Variants in IMMP2L observed in about 807,000 individuals in gnomAD.
The protein encoded by IMMP2L is inner mitochondrial membrane peptidase subunit 2.
A neutral mutation model predicts 19.3 loss-of-function variants in IMMP2L; 18 were observed. That is an observed-to-expected ratio of 0.93 (90% CI 0.64 to 1.38). IMMP2L has a LOEUF of 1.38. Ranked by LOEUF, IMMP2L falls within the 40% of genes most tolerant of loss-of-function variation. The probability of loss-of-function intolerance (pLI) is 0.00; values close to 1 mark genes in which losing one functional copy is unlikely to be tolerated. For missense variants in IMMP2L, 233 were observed against 218.2 expected (o/e 1.07, Z -0.43); for synonymous variants, 76 against 73.0 (o/e 1.04, Z -0.21).
chr7:110,793,210 G>A (rs901127565), intron 5 of IMMP2L, among the ~76,000 whole-genome samples: 24 of 152,010 alleles, frequency 1.6e-4, no homozygotes, highest in East Asian at 3.9e-4. Context: ...ACTTGAGGCC[G>A]GGAGGTACAA....
At chr7:111,276,202 A>G (rs933346549) in intron 3 of IMMP2L, among the ~76,000 whole-genome samples, 2 of 152,150 alleles carry the variant, frequency 1.3e-5, no homozygotes, top group African/African-American at 4.8e-5. Context: ...TATTGAGACG[A>G]TCATATGGTT....
At chr7:110,863,081 G>A (rs539665554) in intron 5 of IMMP2L, among the ~76,000 whole-genome samples, 97 of 152,140 alleles carry the variant, frequency 6.4e-4, no homozygotes, top group Admixed American at 3.7e-3. Context: ...TCTCTGACCT[G>A]AGTCTTAAAT....
chr7:111,351,424 C>T (rs146535499), intron 3 of IMMP2L, among the ~76,000 whole-genome samples: 3,261 of 152,118 alleles, frequency 0.021, 120 homozygotes, highest in African/African-American at 0.074. Context: ...CTCCTGACCT[C>T]GTGATCTGCC....
chr7:111,032,282 T>A (rs189404555), intron 3 of IMMP2L, among the ~76,000 whole-genome samples: 3 of 152,006 alleles, frequency 2.0e-5, no homozygotes, highest in South Asian at 4.2e-4. Flanking sequence ...AGCAGATCAA[T>A]AGAATAGAAT....
chr7:111,216,584 C>T (rs771788551), intron 3 of IMMP2L, among the ~76,000 whole-genome samples: 73 of 152,004 alleles, frequency 4.8e-4, no homozygotes, highest in Non-Finnish European at 2.1e-4. Flanking sequence ...ATGTACAGTA[C>T]TCTATTATTA....
chr7:110,883,151 C>T (rs1158731405), intron 5 of IMMP2L, among the ~76,000 whole-genome samples: 2 of 152,084 alleles, frequency 1.3e-5, no homozygotes, highest in African/African-American at 4.8e-5. Flanking sequence ...TCATACTTTT[C>T]TAAAGACATA....
chr7:110,872,179 A>G (rs1375556460), intron 5 of IMMP2L, among the ~76,000 whole-genome samples: 1 of 152,162 alleles, frequency 6.6e-6, no homozygotes, highest in Non-Finnish European at 1.5e-5. Flanking sequence ...TAGTCTTAAA[A>G]CAGAATATAT....
chr7:111,287,660 G>C (rs1820642902), intron 3 of IMMP2L, among the ~76,000 whole-genome samples: 1 of 152,108 alleles, frequency 6.6e-6, no homozygotes, highest in African/African-American at 2.4e-5. Flanking sequence ...AAGTTGTTAT[G>C]AAATTAAAAA....
chr7:111,115,498 G>A (rs574007089), intron 3 of IMMP2L, among the ~76,000 whole-genome samples: 1 of 152,072 alleles, frequency 6.6e-6, no homozygotes, highest in Admixed American at 6.5e-5. Context: ...AAATGTGCCT[G>A]TGATTAAGAT....
At chr7:111,157,055 A>T (rs1283754125) in intron 3 of IMMP2L, among the ~76,000 whole-genome samples, 1 of 152,118 alleles carries the variant, frequency 6.6e-6, no homozygotes, top group Non-Finnish European at 1.5e-5. Context: ...AATGGCTTTC[A>T]TATAAAACAT....
At chr7:110,705,359 A>G (rs964449024) in intron 5 of IMMP2L, among the ~76,000 whole-genome samples, 1 of 152,156 alleles carries the variant, frequency 6.6e-6, no homozygotes, top group Non-Finnish European at 1.5e-5. Context: ...GCAACTTTAA[A>G]TGTACTGCAT....
chr7:110,832,172 G>T (rs1804033532), intron 5 of IMMP2L, among the ~76,000 whole-genome samples: 1 of 152,100 alleles, frequency 6.6e-6, no homozygotes, highest in African/African-American at 2.4e-5. Flanking sequence ...TGAGGCAGGG[G>T]AATCATTTGA....
intron 3 of IMMP2L, among the ~76,000 whole-genome samples, chr7:111,419,319 T>TG (rs1185548415): frequency 4.0e-5 from 6 of 151,812 alleles, no homozygotes; most frequent in Non-Finnish European, 7.4e-5. Flanking sequence ...AGGCCCTGAC[T>TG]GTTACACTTT....
chr7:111,560,341 A>T lies in IMMP2L; in HGVS notation c.-3+1510T>A, dbSNP rs149932509. Among the ~76,000 whole-genome samples, 406 of 152,310 alleles carry T rather than the reference A, an allele frequency of 2.7e-3. 6 individuals carry two copies. Among genetic ancestry groups the T allele is most frequent in the African/African-American group, 9.2e-3 (384 of 41,560 alleles). On this transcript the variant is annotated intron_variant, in intron 1 of 5. Coordinates refer to ENST00000405709, the MANE Select transcript of IMMP2L (RefSeq NM_032549.4). ...ATGCACAGAAACCCATGCAAGTTAA[A>T]AATGGTCTACTTTCGAATTTATTTT...
At chr7:111,286,130 G>T (rs1468520553) in intron 3 of IMMP2L, among the ~76,000 whole-genome samples, 1 of 152,052 alleles carries the variant, frequency 6.6e-6, no homozygotes, top group Admixed American at 6.6e-5. Flanking sequence ...CACACATAAA[G>T]AAAAAATAAT....
intron 5 of IMMP2L, among the ~76,000 whole-genome samples, chr7:110,775,249 C>CTGTGTGTGTGTGTGTGTGTGTG (rs56387151): frequency 3.9e-4 from 57 of 146,716 alleles, no homozygotes; most frequent in South Asian, 3.3e-3. Context: ...CTTAAGTCAG[C>CTGTGTGTGTGTGTGTGTGTGTG]TGTGTGTGTG....
At chr7:111,251,449 G>A (rs942745101) in intron 3 of IMMP2L, among the ~76,000 whole-genome samples, 9 of 151,970 alleles carry the variant, frequency 5.9e-5, no homozygotes, top group African/African-American at 9.7e-5. Context: ...AGATACTTGC[G>A]CACATATGTT....
intron 3 of IMMP2L, among the ~76,000 whole-genome samples, chr7:111,324,848 T>C (rs190600919): frequency 6.6e-6 from 1 of 151,984 alleles, no homozygotes; most frequent in African/African-American, 2.4e-5. Flanking sequence ...AGATTTTTTT[T>C]GAATACTGAA....
intron 3 of IMMP2L, among the ~76,000 whole-genome samples, chr7:111,027,829 G>A (rs2037868255): frequency 6.6e-6 from 1 of 151,882 alleles, no homozygotes; most frequent in South Asian, 2.1e-4. Context: ...CATTTCATGG[G>A]GCAGAAGACT....
Sources: allele counts gnomAD v4.1 joint callset (sites outside exome capture counted in the v4.1 genomes callset), GRCh38; gene constraint gnomAD v4.1.1; transcripts MANE v1.5; gene names NCBI Gene and HGNC (gene_info 2026-07-23, HGNC 2026-07-21).